The following CPNE1 variants were observed in gnomAD, a reference collection of about 807,000 sequenced individuals.
CPNE1 encodes copine-1.
A neutral mutation model predicts 63.2 loss-of-function variants in CPNE1; 58 were observed. The observed-to-expected ratio is 0.92, with a 90% CI of 0.74 to 1.14. The LOEUF (loss-of-function observed/expected upper bound fraction) is 1.14, where lower values mean the gene tolerates loss of function less well. CPNE1 is among the 50% of genes most tolerant of loss of function. CPNE1 has a pLI of 0.00. For missense variants in CPNE1, 672 were observed against 661.7 expected (o/e 1.02, Z -0.17); for synonymous variants, 237 against 249.0 (o/e 0.95, Z 0.45).
chr20:35,626,480 A>G, intron 15 of CPNE1, 87 bp downstream of exon 15: 1 of 1,590,926 alleles, frequency 6.3e-7, no homozygotes. Context: ...CTTAGAGGAA[A>G]AGGTGAGCAT....
At chr20:35,630,631 C>G in intron 12 of CPNE1, 110 bp downstream of exon 12, 1 of 1,472,930 alleles carries the variant, frequency 6.8e-7, no homozygotes, top group Non-Finnish European at 9.5e-7. Flanking sequence ...GAATCCAACC[C>G]TGCATCTCCT....
At chr20:35,651,536 A>G (rs1945190561) in intron 1 of CPNE1, 1 of 152,226 alleles carries the variant, frequency 6.6e-6, no homozygotes, top group South Asian at 2.1e-4. Flanking sequence ...TTAAAAACCT[A>G]GATATAACAC....
At chr20:35,664,045 C>T (rs533088778) in intron 1 of CPNE1, among the ~76,000 whole-genome samples, 2 of 152,326 alleles carry the variant, frequency 1.3e-5, no homozygotes, top group African/African-American at 4.8e-5. Flanking sequence ...TACTACAATT[C>T]TCAGAGCCTC....
At chr20:35,646,652 T>TCGTAAGCAAAGGGAGG (rs1184845807) in intron 1 of CPNE1, among the ~76,000 whole-genome samples, 4 of 152,090 alleles carry the variant, frequency 2.6e-5, no homozygotes, top group African/African-American at 9.7e-5. Flanking sequence ...GCAGGTTTAC[T>TCGTAAGCAAAGGGAGG]ATATAAGCAA....
At chr20:35,648,833 C>G (rs2033306619) in intron 1 of CPNE1, 1 of 152,388 alleles carries the variant, frequency 6.6e-6, no homozygotes. Flanking sequence ...CCAAATCTAC[C>G]TCTCCAAAGG....
intron 1 of CPNE1, among the ~76,000 whole-genome samples, chr20:35,636,385 T>G (rs2032486210): frequency 6.6e-6 from 1 of 152,208 alleles, no homozygotes; most frequent in South Asian, 2.1e-4. Flanking sequence ...ATGCTGGGAA[T>G]AGTGAAAAAT....
intron 1 of CPNE1, among the ~76,000 whole-genome samples, chr20:35,640,968 C>G (rs2032769919): frequency 6.6e-6 from 1 of 152,214 alleles, no homozygotes; most frequent in African/African-American, 2.4e-5. Flanking sequence ...GCGAATGGAA[C>G]AGCTGAGTCT....
In CPNE1 at chr20:35,631,514, A is replaced by G; in HGVS notation, c.692T>C (p.Leu231Ser). 1 of 1,614,062 alleles carries G rather than the reference A, an allele frequency of 6.2e-7. No individual in the cohort carries two copies. Among genetic ancestry groups the G allele is most frequent in the Non-Finnish European group, 8.5e-7 (1 of 1,179,976 alleles). The part of the protein sequence containing the change: ...HDLIGTFHTS[L>S]AQLQAVPAEF... ...CACCGGGACTGCCTGCAGCTGGGCC[A>G]AGCTGGTGTGGAAGGTACCGATGAG... Residue 231 changes from leucine to serine, a missense_variant, in exon 8 of 16, where the codon TTG (leucine) becomes TCG (serine). Coordinates refer to ENST00000397443, the MANE Select transcript of CPNE1 (RefSeq NM_152925.3).
At position 35,632,670 on chromosome 20, in the gene CPNE1, G is replaced by T; in HGVS notation, c.156C>A (p.Asn52Lys). 1 of 1,186,376 alleles carries T rather than the reference G, an allele frequency of 8.4e-7. No homozygotes were observed. The highest frequency in any genetic ancestry group is 1.3e-6 in the Non-Finnish European group (1 of 789,040). The allele number at this position is 1,186,376 out of a possible 1,614,324, so 73.5% of individuals were successfully genotyped here. A position where few individuals can be genotyped will look rare whatever the true frequency, so the allele number is the denominator to read the frequency against. The stretch of plus-strand genomic sequence containing the variant: ...TCTTGGAGAACTCAGGGCTTGAGCA[G>T]TTCCGCACCCGTTCAGTCCGGCCAA... ...AELGRTERVR[N>K]CSSPEFSKTL... The change falls in exon 3 of 16, where the codon AAC (asparagine) becomes AAA (lysine). Residue 52 changes from asparagine (N) to lysine (K), a missense_variant. Transcript: ENST00000397443.
intron 1 of CPNE1, chr20:35,649,349 C>T (rs577277056): frequency 8.8e-4 from 134 of 152,282 alleles, no homozygotes; most frequent in African/African-American, 3.2e-3. Flanking sequence ...TTTCACGCAT[C>T]CTTGTTTTTA....
In CPNE1 at chr20:35,633,984, G is replaced by A. The variant is rs372743450; in HGVS notation, c.1-1061C>T. On this transcript the variant is annotated intron_variant, in intron 1 of 15. Coordinates refer to ENST00000397443, the MANE Select transcript of CPNE1 (RefSeq NM_152925.3). ...CAAAAAAAAAAAAAAAAAAAAGGCC[G>A]GGGACGGTGGCTCAAGCCTGTAATC... 1.5e-3 allele frequency among the ~76,000 whole-genome samples: 223 copies of A among 145,940 alleles called. 2 individuals are homozygous for A. The highest frequency in any genetic ancestry group is 5.3e-3 in the African/African-American group (205 of 38,598).
At chr20:35,661,815 A>G (rs1222338222) in intron 1 of CPNE1, among the ~76,000 whole-genome samples, 2 of 152,222 alleles carry the variant, frequency 1.3e-5, no homozygotes, top group African/African-American at 2.4e-5. Flanking sequence ...TAAACATCCA[A>G]AAGTGAACTT....
intron 1 of CPNE1, among the ~76,000 whole-genome samples, chr20:35,647,872 G>A (rs1304816024): frequency 7.0e-6 from 1 of 143,808 alleles, no homozygotes; most frequent in African/African-American, 2.6e-5. Context: ...GGCCAACATG[G>A]CAAAACCCCG....
intron 1 of CPNE1, chr20:35,654,731 A>G (rs1268441730): frequency 1.2e-6 from 2 of 1,613,664 alleles, no homozygotes; most frequent in Non-Finnish European, 1.7e-6. Context: ...GGTGGCAGAG[A>G]TGGCATCGCT....
chr20:35,638,773 G>A (rs1390992952), intron 1 of CPNE1, among the ~76,000 whole-genome samples: 2 of 152,208 alleles, frequency 1.3e-5, no homozygotes, highest in African/African-American at 2.4e-5. Flanking sequence ...CAATTGTGAT[G>A]TTTATAGAAA....
intron 1 of CPNE1, among the ~76,000 whole-genome samples, chr20:35,663,491 C>T (rs1476677052): frequency 6.6e-6 from 1 of 152,134 alleles, no homozygotes; most frequent in East Asian, 1.9e-4. Context: ...TGCCATCACA[C>T]TTTTTTCCAG....
At chr20:35,631,244 T>C (rs1367868733) in intron 9 of CPNE1, 24 bp downstream of exon 9, 1 of 1,613,950 alleles carries the variant, frequency 6.2e-7, no homozygotes, top group South Asian at 1.1e-5. Flanking sequence ...ATCAGAGCCT[T>C]GGTTACATGG....
intron 1 of CPNE1, chr20:35,650,943 CATGTAA>C (rs1208911838): frequency 6.6e-6 from 1 of 152,554 alleles, no homozygotes; most frequent in African/African-American, 2.4e-5. Flanking sequence ...ACAAAGGGGC[CATGTAA>C]AAGATAAAAT....
At chr20:35,628,074 G>T (rs2146276112) in intron 13 of CPNE1, among the ~76,000 whole-genome samples, 2 of 152,020 alleles carry the variant, frequency 1.3e-5, no homozygotes, top group East Asian at 3.9e-4. Context: ...AAGGTCAGGA[G>T]ATTGAGACCA....
Sources: gnomAD v4.1 joint callset for allele counts (sites outside exome capture counted in the v4.1 genomes callset) on GRCh38, gnomAD v4.1.1 for gene constraint, MANE v1.5 for transcripts, NCBI Gene and HGNC (gene_info 2026-07-23, HGNC 2026-07-21) for gene names.